CRYBG1: variants seen among roughly 807,000 people sequenced by gnomAD.
The protein encoded by CRYBG1 is crystallin beta-gamma domain containing 1, also known as beta/gamma crystallin domain-containing protein 1.
A neutral mutation model predicts 189.2 loss-of-function variants in CRYBG1; 139 were observed. The observed-to-expected ratio is 0.73, with a 90% CI of 0.64 to 0.85. The LOEUF (loss-of-function observed/expected upper bound fraction) is 0.85, where lower values mean the gene tolerates loss of function less well. Ranked by LOEUF, CRYBG1 falls within the 40% of genes least tolerant of loss-of-function variation. CRYBG1 has a pLI of 0.00. For missense variants in CRYBG1, 2,611 were observed against 2,675.8 expected, an observed-to-expected ratio of 0.98 and a Z score of 0.53; for synonymous variants, 1,023 against 1,017.1, an observed-to-expected ratio of 1.01 and a Z score of -0.11.
At chr6:106,417,684 T>G (rs1771050167) in intron 1 of CRYBG1, among the ~76,000 whole-genome samples, 1 of 152,234 alleles carries the variant, frequency 6.6e-6, no homozygotes, top group African/African-American at 2.4e-5. Flanking sequence ...CTACTTGGCC[T>G]GCCACACTCA....
At chr6:106,547,469 A>C (rs1176328340) in intron 13 of CRYBG1, among the ~76,000 whole-genome samples, 1 of 152,180 alleles carries the variant, frequency 6.6e-6, no homozygotes, top group Non-Finnish European at 1.5e-5. Flanking sequence ...ACAGGGAAGG[A>C]AGACTTTGTG....
chr6:106,420,017 A>T (rs1051104465), intron 1 of CRYBG1, among the ~76,000 whole-genome samples: 1 of 152,196 alleles, frequency 6.6e-6, no homozygotes, highest in Non-Finnish European at 1.5e-5. Context: ...CTTTAACATC[A>T]ACTTACAACA....
At chr6:106,409,071 G>T (rs1013852360) in intron 1 of CRYBG1, among the ~76,000 whole-genome samples, 1 of 152,160 alleles carries the variant, frequency 6.6e-6, no homozygotes, top group Non-Finnish European at 1.5e-5. Flanking sequence ...TAGGAAGAGG[G>T]GAAGTCAAAT....
At chr6:106,528,983 G>A (rs181111982) in intron 7 of CRYBG1, among the ~76,000 whole-genome samples, 13 of 146,826 alleles carry the variant, frequency 8.9e-5, no homozygotes, top group African/African-American at 2.5e-4. Context: ...TTGCTCTGTC[G>A]CCCAGGCTGG....
In CRYBG1 at chr6:106,361,081, G is replaced by A. The variant is rs770363597; in HGVS notation, c.173G>A (p.Arg58Lys). Residue 58 changes from arginine (R) to lysine (K), a missense_variant and splice_region_variant, in exon 1 of 22, where the codon AGA becomes AAA. By Grantham distance (26) the Arg-to-Lys change is conservative. Around this residue, in one of 3 missense-constraint regions of CRYBG1, gnomAD observed 985 missense variants for 924.4 expected, o/e 1.07. Coordinates refer to ENST00000633556, the MANE Select transcript of CRYBG1 (RefSeq NM_001371242.2). ...HPLPAPAGEA[R>K]ALDVVDGKYV... Reference sequence around the variant, plus strand: ...CTCCCGGCGCCTGCCGGAGAGGCCAGGTGAGCTCCTCGCCCGAGCCCTCCA... The same window carrying A: ...CTCCCGGCGCCTGCCGGAGAGGCCAAGTGAGCTCCTCGCCCGAGCCCTCCA... The A allele has an allele frequency of 6.5e-7, 1 of 1,534,718 alleles. No homozygotes were observed. The highest frequency in any genetic ancestry group is 1.2e-5 in the South Asian group (1 of 83,978).
intron 2 of CRYBG1, among the ~76,000 whole-genome samples, chr6:106,483,408 T>TA (rs1241386087): frequency 8.2e-6 from 1 of 121,530 alleles, no homozygotes; most frequent in Non-Finnish European, 1.9e-5. Flanking sequence ...ATATAAAACA[T>TA]TTTCTTTATC....
intron 18 of CRYBG1, among the ~76,000 whole-genome samples, chr6:106,558,987 G>T (rs1401170998): frequency 6.6e-6 from 1 of 151,942 alleles, no homozygotes; most frequent in Non-Finnish European, 1.5e-5. Context: ...AAATTGATCA[G>T]ATTTCTCCCT....
intron 1 of CRYBG1, among the ~76,000 whole-genome samples, chr6:106,371,938 A>T (rs980939660): frequency 6.6e-6 from 1 of 152,208 alleles, no homozygotes. Context: ...TTGTATGCCC[A>T]TGAGGAAACA....
chr6:106,457,984 C>A (rs1193379599), intron 2 of CRYBG1, among the ~76,000 whole-genome samples: 1 of 152,138 alleles, frequency 6.6e-6, no homozygotes, highest in Non-Finnish European at 1.5e-5. Context: ...ACATTAAAAA[C>A]TAATAATAAT....
chr6:106,510,892 C>G (rs931163384), intron 2 of CRYBG1, among the ~76,000 whole-genome samples: 5 of 152,208 alleles, frequency 3.3e-5, no homozygotes, highest in Non-Finnish European at 7.3e-5. Flanking sequence ...TTTCATGTTG[C>G]AAGTACTAGA....
intron 17 of CRYBG1, among the ~76,000 whole-genome samples, chr6:106,556,838 A>C (rs572273161): frequency 2.6e-5 from 4 of 152,362 alleles, no homozygotes; most frequent in Admixed American, 2.6e-4. Context: ...GAAAATAGTA[A>C]CAAAGAAACA....
At chr6:106,495,660 C>T (rs996775688) in intron 2 of CRYBG1, among the ~76,000 whole-genome samples, 1 of 151,892 alleles carries the variant, frequency 6.6e-6, no homozygotes, top group Non-Finnish European at 1.5e-5. Context: ...GCTGTCTGTG[C>T]TTTTCTAGGT....
chr6:106,421,118 A>G (rs1771113766), intron 1 of CRYBG1, among the ~76,000 whole-genome samples: 1 of 152,198 alleles, frequency 6.6e-6, no homozygotes, highest in Non-Finnish European at 1.5e-5. Flanking sequence ...CAACACACTT[A>G]GGAGATCTGG....
intron 3 of CRYBG1, among the ~76,000 whole-genome samples, chr6:106,513,864 G>C (rs1463518791): frequency 1.3e-5 from 2 of 152,144 alleles, no homozygotes; most frequent in African/African-American, 4.8e-5. Context: ...GTGACTACTT[G>C]CTGTTAAGTT....
In CRYBG1 at chr6:106,558,544, T is replaced by C. The variant is rs1378035784; in HGVS notation, c.5774T>C (p.Ile1925Thr). 3.1e-6 allele frequency: 5 copies of C among 1,612,324 alleles called. No individual in the cohort carries two copies. Among genetic ancestry groups the C allele is most frequent in the Non-Finnish European group, 4.2e-6 (5 of 1,178,550 alleles). ...FEREDFKGKK[I>T]ELNAETVNLR... ...AGAGAAGACTTCAAAGGAAAAAAGA[T>C]TGAACTTAATGCAGAAACTGTCAAT... Residue 1925 changes from isoleucine to threonine, a missense_variant, in exon 18 of 22, where the codon ATT becomes ACT. Around this residue, in one of 3 missense-constraint regions of CRYBG1, gnomAD observed 1,622 missense variants for 1,735.0 expected, o/e 0.93. Coordinates refer to ENST00000633556, the MANE Select transcript of CRYBG1 (RefSeq NM_001371242.2).
At chr6:106,462,146 G>T (rs760440472) in intron 2 of CRYBG1, among the ~76,000 whole-genome samples, 3 of 130,018 alleles carry the variant, frequency 2.3e-5, no homozygotes, top group Non-Finnish European at 5.2e-5. Context: ...GAAGTTTTTT[G>T]TTTGTTTGTT....
chr6:106,477,394 G>A (rs1391644274), intron 2 of CRYBG1, among the ~76,000 whole-genome samples: 1 of 152,158 alleles, frequency 6.6e-6, no homozygotes, highest in Non-Finnish European at 1.5e-5. Flanking sequence ...TCAGTAGATA[G>A]TTAATATCCA....
intron 2 of CRYBG1, among the ~76,000 whole-genome samples, chr6:106,469,194 T>C (rs578026517): frequency 2.2e-4 from 33 of 152,336 alleles, no homozygotes; most frequent in Non-Finnish European, 4.0e-4. Flanking sequence ...TGGCTCTGCC[T>C]AGAATGCACT....
chr6:106,462,980 C>T (rs1439855465), intron 2 of CRYBG1, among the ~76,000 whole-genome samples: 1 of 152,126 alleles, frequency 6.6e-6, no homozygotes, highest in Non-Finnish European at 1.5e-5. Flanking sequence ...AAGCAAGACC[C>T]TATCTCTACA....
Sources: allele counts gnomAD v4.1 joint callset (sites outside exome capture counted in the v4.1 genomes callset), GRCh38; gene constraint gnomAD v4.1.1; regional missense constraint gnomAD v4.1.1; transcripts MANE v1.5; gene names NCBI Gene and HGNC (gene_info 2026-07-23, HGNC 2026-07-21).